Variants in COL22A1 observed in about 807,000 individuals in gnomAD.
The protein encoded by COL22A1 is collagen alpha-1(XXII) chain.
A neutral mutation model predicts 248.9 loss-of-function variants in COL22A1; 221 were observed. The observed-to-expected ratio is 0.89, with a 90% CI of 0.80 to 0.99. COL22A1 has a LOEUF of 0.99. COL22A1 is among the 50% of genes least tolerant of loss of function. The pLI is 0.00. For synonymous variants in COL22A1, 891 were observed against 793.4 expected, an observed-to-expected ratio of 1.12 and a Z score of -2.07; for missense variants, 2,240 against 2,179.0, an observed-to-expected ratio of 1.03 and a Z score of -0.56.
chr8:138,689,033 G>A (rs369947698), intron 36 of COL22A1, 63 bp from the exon 37 acceptor site: 118 of 1,350,648 alleles, frequency 8.7e-5, no homozygotes, highest in African/African-American at 2.4e-4. Context: ...TTGGTGGCTC[G>A]TGACCCCCAG....
intron 10 of COL22A1, among the ~76,000 whole-genome samples, chr8:138,805,624 T>G (rs1294277590): frequency 2.1e-5 from 3 of 141,744 alleles, no homozygotes; most frequent in East Asian, 4.2e-4. Context: ...TGTGTGAGGG[T>G]GTGTGTGTGT....
At chr8:138,725,979 C>T (rs1194637219) in intron 23 of COL22A1, among the ~76,000 whole-genome samples, 3 of 152,284 alleles carry the variant, frequency 2.0e-5, no homozygotes, top group African/African-American at 4.8e-5. Flanking sequence ...AAGGTTCCCC[C>T]GTGATTCTAT....
chr8:138,681,799 G>A (rs1004189114), intron 39 of COL22A1, among the ~76,000 whole-genome samples: 1 of 152,200 alleles, frequency 6.6e-6, no homozygotes, highest in African/African-American at 2.4e-5. Context: ...CCCGCAGTCA[G>A]GGAAATGAGG....
At chr8:138,867,196 A>G (rs1337962421) in intron 3 of COL22A1, among the ~76,000 whole-genome samples, 1 of 152,174 alleles carries the variant, frequency 6.6e-6, no homozygotes, top group Non-Finnish European at 1.5e-5. Context: ...CAGTAACACA[A>G]TTTGTAAAAT....
At chr8:138,831,461 C>A (rs1820040836) in intron 5 of COL22A1, among the ~76,000 whole-genome samples, 1 of 152,126 alleles carries the variant, frequency 6.6e-6, no homozygotes, top group African/African-American at 2.4e-5. Context: ...CAGCTAACTT[C>A]AAATTTAACA....
chr8:138,660,897 C>G (rs1199067084), intron 43 of COL22A1, among the ~76,000 whole-genome samples: 1 of 13,268 alleles, frequency 7.5e-5, no homozygotes, highest in Admixed American at 6.6e-4. Context: ...CACAGACACA[C>G]AAACACACAC....
At chr8:138,652,133 C>T (rs866443160) in intron 45 of COL22A1, among the ~76,000 whole-genome samples, 3 of 152,212 alleles carry the variant, frequency 2.0e-5, no homozygotes, top group Non-Finnish European at 4.4e-5. Context: ...CCCCCCGAGT[C>T]CCTCCTGGCC....
At chr8:138,823,401 A>G (rs1819320669) in intron 6 of COL22A1, among the ~76,000 whole-genome samples, 1 of 152,138 alleles carries the variant, frequency 6.6e-6, no homozygotes, top group South Asian at 2.1e-4. Context: ...TCACATCCCA[A>G]GATGTGATTT....
chr8:138,642,502 T>C (rs1821802765), intron 47 of COL22A1, among the ~76,000 whole-genome samples: 1 of 152,188 alleles, frequency 6.6e-6, no homozygotes, highest in Admixed American at 6.5e-5. Flanking sequence ...GAAGAACCCC[T>C]GTATTTCAGA....
At chr8:138,616,814 G>T in intron 54 of COL22A1, 100 bp downstream of exon 54, 1 of 1,378,504 alleles carries the variant, frequency 7.3e-7, no homozygotes, top group Non-Finnish European at 1.0e-6. Context: ...CCTCTCTCGG[G>T]TAAGGCACTG....
intron 10 of COL22A1, among the ~76,000 whole-genome samples, chr8:138,805,829 T>G (rs1041620262): frequency 1.5e-4 from 11 of 75,426 alleles, no homozygotes; most frequent in Non-Finnish European, 2.3e-4. Flanking sequence ...TGTGTGTGTT[T>G]TTGATGGTGT....
At chr8:138,909,073 T>C (rs1217139734) in intron 1 of COL22A1, among the ~76,000 whole-genome samples, 1 of 152,228 alleles carries the variant, frequency 6.6e-6, no homozygotes, top group Non-Finnish European at 1.5e-5. Context: ...AAAGGGCCTA[T>C]CATAGTCATA....
chr8:138,775,014 T>C (rs1046242100), intron 16 of COL22A1, among the ~76,000 whole-genome samples: 1 of 152,202 alleles, frequency 6.6e-6, no homozygotes, highest in African/African-American at 2.4e-5. Flanking sequence ...GATTACAGGC[T>C]ATGTTTCACT....
chr8:138,767,461 G>T (rs1833997794), intron 16 of COL22A1, among the ~76,000 whole-genome samples: 1 of 151,978 alleles, frequency 6.6e-6, no homozygotes. Flanking sequence ...TGGGGCTCCA[G>T]TTCCCCACCA....
intron 31 of COL22A1, among the ~76,000 whole-genome samples, chr8:138,700,662 C>T (rs1161372765): frequency 6.6e-6 from 1 of 152,218 alleles, no homozygotes; most frequent in African/African-American, 2.4e-5. Flanking sequence ...CTGCAGGCTC[C>T]TTCAGCCTGG....
At chr8:138,902,739 T>TATATACACACACAC (rs763466994) in intron 1 of COL22A1, among the ~76,000 whole-genome samples, 28 of 93,882 alleles carry the variant, frequency 3.0e-4, no homozygotes, top group African/African-American at 1.0e-3. Context: ...TATATATATA[T>TATATACACACACAC]ACACACACAC....
At chr8:138,687,150 T>C (rs1443571022) in intron 37 of COL22A1, among the ~76,000 whole-genome samples, 1 of 152,052 alleles carries the variant, frequency 6.6e-6, no homozygotes, top group African/African-American at 2.4e-5. Flanking sequence ...AGAGATGGGG[T>C]TTCACCATGT....
chr8:138,906,002 G>GC (rs745938773), intron 1 of COL22A1, among the ~76,000 whole-genome samples: 3 of 152,136 alleles, frequency 2.0e-5, no homozygotes, highest in Non-Finnish European at 2.9e-5. Flanking sequence ...GATATACCAG[G>GC]CAGGGAGTGT....
rs1029062974 is a variant in COL22A1, at chr8:138,786,307, G to A, written c.1597-5327C>T. On this transcript the variant is annotated intron_variant, in intron 12 of 64. Coordinates refer to ENST00000303045, the MANE Select transcript of COL22A1 (RefSeq NM_152888.3). ...AGTGAATATGTTCTGAGTCAGAGAC[G>A]GTAACATCTCTTTTTGAATCTTTTT... 4.6e-5 allele frequency among the ~76,000 whole-genome samples: 7 copies of A among 152,054 alleles called. No homozygotes were observed. In the South Asian group the frequency reaches 6.2e-4, roughly 14 times the overall value.
Sources: allele counts gnomAD v4.1 joint callset (sites outside exome capture counted in the v4.1 genomes callset), GRCh38; gene constraint gnomAD v4.1.1; transcripts MANE v1.5; gene names NCBI Gene and HGNC (gene_info 2026-07-23, HGNC 2026-07-21).